Variants in PFAS observed in about 807,000 individuals in gnomAD.
The protein encoded by PFAS is FGAM synthase.
Under a neutral mutation model 140.6 loss-of-function variants are expected in PFAS, and 97 were observed. The observed-to-expected ratio is 0.69, with a 90% CI of 0.59 to 0.82. PFAS has a LOEUF of 0.82. PFAS is among the 40% of genes least tolerant of loss of function. The pLI is 0.00. For synonymous variants in PFAS, 679 were observed against 718.8 expected, an observed-to-expected ratio of 0.94 and a Z score of 0.88; for missense variants, 1,656 against 1,780.2, an observed-to-expected ratio of 0.93 and a Z score of 1.26.
chr17:8,263,521 T>G, intron 13 of PFAS, 54 bp from the exon 14 acceptor site: 1 of 1,497,514 alleles, frequency 6.7e-7, no homozygotes, highest in South Asian at 1.1e-5. Flanking sequence ...GGGACTGCCC[T>G]TTGTTGCCTG....
chr17:8,260,875 C>T (rs1052836042), intron 11 of PFAS, among the ~76,000 whole-genome samples: 1 of 152,254 alleles, frequency 6.6e-6, no homozygotes, highest in Non-Finnish European at 1.5e-5. Flanking sequence ...CCGCCTGCCT[C>T]AGCCTCCCAA....
chr17:8,269,195 T>A lies in PFAS; in HGVS notation c.3948T>A (p.Thr1316=). ...QWAWRPPPFD[T]LTTSPWLQLF... is the part of the protein sequence containing the mutation. ...CATGGCGACCCCCTCCATTTGATAC[T>A]CTGACCACCTCCCCCTGGCTCCAGC... Residue 1316 remains threonine, a synonymous_variant, in exon 28 of 28, where the codon ACT becomes ACA. Transcript: ENST00000314666. 1 of 1,613,586 alleles carries A rather than the reference T, an allele frequency of 6.2e-7. No individual in the cohort carries two copies. The highest frequency in any genetic ancestry group is 2.2e-5 in the East Asian group (1 of 44,882).
chr17:8,256,682 C>A (rs773800300), intron 8 of PFAS, 34 bp downstream of exon 8: 1 of 1,612,454 alleles, frequency 6.2e-7, no homozygotes, highest in South Asian at 1.1e-5. Context: ...TAGGTGAGAT[C>A]ACAGAATAGG....
rs781364602 is a variant in PFAS at position 8,255,513 on chromosome 17, C to G, written c.396C>G (p.Pro132=). ...TRRYRLSFAH[P]PSAEVEAIAL... is the part of the protein sequence containing the mutation. ...GTCTGCACCCCTAGTTTGCCCACCC[C>G]CCGTCAGCTGAGGTGGAAGCCATTG... is the stretch of plus-strand genomic sequence containing the variant. Residue 132 remains proline, a synonymous_variant, in exon 5 of 28, where the codon CCC becomes CCG. Transcript: ENST00000314666. 7.2e-6 allele frequency: 11 copies of G among 1,517,814 alleles called. No homozygotes were observed. Among genetic ancestry groups the G allele is most frequent in the Middle Eastern group, 1.8e-4 (1 of 5,600 alleles). The allele number at this position is 1,517,814 out of a possible 1,614,324, so 94.0% of individuals were successfully genotyped here. A position where few individuals can be genotyped will look rare whatever the true frequency, so the allele number is the denominator to read the frequency against.
At chr17:8,258,783 G>A (rs1026191576) in intron 11 of PFAS, among the ~76,000 whole-genome samples, 2 of 151,956 alleles carry the variant, frequency 1.3e-5, no homozygotes, top group African/African-American at 4.8e-5. Flanking sequence ...TCAGGAGATC[G>A]AGACCATCCT....
rs1472449627 is a variant in PFAS at position 8,265,435 on chromosome 17, G to T, written c.2428G>T (p.Ala810Ser). The T allele has an allele frequency of 1.9e-6, 3 of 1,614,142 alleles. No homozygotes were observed. In the South Asian group the frequency reaches 3.3e-5, roughly 18 times the overall value. Reference sequence around the variant, plus strand: ...TGGCAAGGACTCCCTCAGCATGGCTGCTCGGGTTGGCACTGAGACCGTGCG... The same window carrying T: ...TGGCAAGGACTCCCTCAGCATGGCTTCTCGGGTTGGCACTGAGACCGTGCG... ...DGGKDSLSMA[A>S]RVGTETVRAP... Residue 810 changes from alanine (A) to serine (S), a missense_variant, in exon 19 of 28, where the codon GCT becomes TCT. Physicochemically the swap from Ala to Ser is moderately conservative, Grantham distance 99. Transcript: ENST00000314666.
chr17:8,263,140 T>A lies in PFAS; in HGVS notation c.1442T>A (p.Phe481Tyr), dbSNP rs35217368. The change falls in exon 13 of 28, where the codon TTT (phenylalanine) becomes TAT (tyrosine). Residue 481 changes from phenylalanine (F) to tyrosine (Y), a missense_variant. Transcript: ENST00000314666. ...VQGDNTSDLD[F>Y]GAVQRGDPEM... ...GGAGATAACACCAGTGACCTGGACT[T>A]TGGGGCTGTGCAGCGAGGAGACCCG... 0.058 allele frequency: 92,915 copies of A among 1,613,870 alleles called. 3,113 individuals carry two copies. Among genetic ancestry groups the A allele is most frequent in the Middle Eastern group, 0.076 (458 of 6,062 alleles).
Position 8,256,622 on chromosome 17 carries a change from C to T in PFAS, c.920C>T (p.Thr307Ile). ...QQQGLRHVVF[T>I]AETHNFPTGV... The stretch of plus-strand genomic sequence containing the variant: ...CAAGGGCTGAGACATGTTGTCTTCA[C>T]AGCAGAGACTCACAACTTTCCCACA... Residue 307 changes from threonine (T) to isoleucine (I), a missense_variant, in exon 8 of 28, where the codon ACA becomes ATA. Physicochemically the swap from Thr to Ile is moderately conservative, Grantham distance 89 (BLOSUM62 -1). Around this residue, in one of 2 missense-constraint regions of PFAS, gnomAD observed 773 missense variants for 757.3 expected, o/e 1.02. Transcript: ENST00000314666. 1 of 1,614,174 alleles carries T rather than the reference C, an allele frequency of 6.2e-7. No individual in the cohort carries two copies. Among genetic ancestry groups the T allele is most frequent in the Non-Finnish European group, 8.5e-7 (1 of 1,180,024 alleles).
At chr17:8,248,226 C>A (rs1597408527), upstream of PFAS, 2 of 602,574 alleles carry the variant, frequency 3.3e-6, no homozygotes, top group African/African-American at 3.7e-5. Context: ...ACTCCCGACA[C>A]CCCTGTCTCT....
At chr17:8,257,033 T>C in intron 9 of PFAS, 70 bp downstream of exon 9, 1 of 1,522,912 alleles carries the variant, frequency 6.6e-7, no homozygotes, top group Non-Finnish European at 9.1e-7. Flanking sequence ...CAAACTTCTA[T>C]CTGTTAGGTC....
Position 8,269,637 on chromosome 17 carries a change from G to A in PFAS, c.*373G>A, listed in dbSNP as rs184114509. 1,156 of 212,466 alleles carry A rather than the reference G, an allele frequency of 5.4e-3. 12 individuals carry two copies. The highest frequency in any genetic ancestry group is 8.1e-3 in the Non-Finnish European group (847 of 105,156). The allele number at this position is 212,466 out of a possible 1,614,324, so 13.2% of individuals were successfully genotyped here. On this transcript the variant is annotated 3_prime_UTR_variant, in exon 28 of 28. Transcript: ENST00000314666. ...TCCTTGGCTCTGAGGGATGTTTTGC[G>A]CTCCCTTTTCTCATCATTGGGGTTA...
intron 9 of PFAS, among the ~76,000 whole-genome samples, 161 bp downstream of exon 9, chr17:8,257,124 T>C (rs996860284): frequency 2.0e-5 from 3 of 152,208 alleles, no homozygotes; most frequent in African/African-American, 7.2e-5. Context: ...GTCATAAGTG[T>C]AGACCTGGGG....
rs1989874885 is a variant in PFAS, at chr17:8,267,671, T to C, written c.3382+6T>C. 2 of 1,497,856 alleles carry C rather than the reference T, an allele frequency of 1.3e-6. No homozygotes were observed. The highest frequency in any genetic ancestry group is 2.3e-5 in the East Asian group (1 of 44,236). 92.8% of individuals were successfully genotyped at this position (1,497,856 alleles called of 1,614,324 possible). ...TGTCCTGGGCTCTGCCAAAGGTCAG[T>C]GTGCAGGCTTCTGCCCACTCCCTTC... On this transcript the variant is annotated splice_donor_region_variant and intron_variant, in intron 26 of 27. Coordinates refer to ENST00000314666, the MANE Select transcript of PFAS (RefSeq NM_012393.3). The surrounding 1 kb of genome is among the most constrained non-coding windows in gnomAD (Gnocchi z 4.9).
chr17:8,248,531 G>T (rs1988976996), upstream of PFAS, among the ~76,000 whole-genome samples: 1 of 148,836 alleles, frequency 6.7e-6, no homozygotes, highest in South Asian at 2.1e-4. Flanking sequence ...AAAGTGCTGG[G>T]ATTACAGGCG....
intron 11 of PFAS, among the ~76,000 whole-genome samples, chr17:8,260,468 C>G (rs998995616): frequency 6.6e-6 from 1 of 152,178 alleles, no homozygotes; most frequent in African/African-American, 2.4e-5. Context: ...TGCATCAGTA[C>G]TTTATTTCTT....
Position 8,256,439 on chromosome 17 carries a change from A to G in PFAS, c.821+32A>G, listed in dbSNP as rs115281222. On this transcript the variant is annotated intron_variant, in intron 7 of 27. Transcript: ENST00000314666. ...TGCCCTAGACTGGGTTGGCGTCAGG[A>G]CCCGGGGAGGGGAGGCCCCAGGCCC... is the stretch of plus-strand genomic sequence containing the variant. 9.3e-4 allele frequency: 1,497 copies of G among 1,613,840 alleles called. 11 individuals are homozygous for G. The African/African-American group carries it at 0.018, about 19-fold the overall frequency.
Position 8,254,085 on chromosome 17 carries a change from G to A in PFAS, c.142+6G>A. ...CTACAACGTGAACTGGACAGGTTGG[G>A]CCCAGGTATTAGATTCTTGGGGGAC... On this transcript the variant is annotated splice_donor_region_variant and intron_variant, in intron 2 of 27. Coordinates refer to ENST00000314666, the MANE Select transcript of PFAS (RefSeq NM_012393.3). 6.2e-7 allele frequency: 1 copy of A among 1,613,900 alleles called. No individual in the cohort carries two copies. Among genetic ancestry groups the A allele is most frequent in the Non-Finnish European group, 8.5e-7 (1 of 1,179,854 alleles).
intron 15 of PFAS, 116 bp downstream of exon 15, chr17:8,264,052 C>A: frequency 6.8e-7 from 1 of 1,464,314 alleles, no homozygotes; most frequent in Non-Finnish European, 9.5e-7. Context: ...GAGGTAGTGG[C>A]AAACAAGCTG....
intron 8 of PFAS, 78 bp downstream of exon 8, chr17:8,256,726 C>T: frequency 6.4e-7 from 1 of 1,565,162 alleles, no homozygotes; most frequent in Non-Finnish European, 8.6e-7. Context: ...TGGAGTGGGC[C>T]TGGGGAAAAT....
Sources: allele counts gnomAD v4.1 joint callset (sites outside exome capture counted in the v4.1 genomes callset), GRCh38; gene constraint gnomAD v4.1.1; regional missense constraint gnomAD v4.1.1; non-coding constraint Gnocchi (gnomAD v3.1); transcripts MANE v1.5; gene names NCBI Gene and HGNC (gene_info 2026-07-23, HGNC 2026-07-21).